The following EPX variants were observed in gnomAD, a reference collection of about 807,000 sequenced individuals.
EPX encodes the protein eosinophil peroxidase.
A neutral mutation model predicts 73.0 loss-of-function variants in EPX; 60 were observed. The ratio of observed to expected loss-of-function variants is 0.82; its 90% CI spans 0.67 to 1.02. The LOEUF (loss-of-function observed/expected upper bound fraction) is 1.02, where lower values mean the gene tolerates loss of function less well. Among genes scored for constraint, EPX ranks in the 50% least tolerant of loss-of-function variants. The pLI, the probability that EPX is intolerant of heterozygous loss-of-function variation, is 0.00. For synonymous variants in EPX, 347 were observed against 389.2 expected (o/e 0.89, Z 1.28); for missense variants, 950 against 973.9 (o/e 0.98, Z 0.33).
At chr17:58,201,290 T>G (rs1268576822) in intron 10 of EPX, among the ~76,000 whole-genome samples, 1 of 152,214 alleles carries the variant, frequency 6.6e-6, no homozygotes, top group Non-Finnish European at 1.5e-5. Context: ...AACCTGAGCT[T>G]CTTTCCTTTC....
In EPX at chr17:58,195,168, A is replaced by C. The variant is rs758630472; in HGVS notation, c.799A>C (p.Lys267Gln). 2 of 1,612,660 alleles carry C rather than the reference A, an allele frequency of 1.2e-6. No homozygotes were observed. The highest frequency in any genetic ancestry group is 1.7e-6 in the Non-Finnish European group (2 of 1,179,104). Residue 267 changes from lysine (K) to glutamine (Q), a missense_variant and splice_region_variant, in exon 6 of 13, where the codon AAG becomes CAG. By Grantham distance (53) the Lys-to-Gln change is moderately conservative (BLOSUM62 1). Coordinates refer to ENST00000225371, the MANE Select transcript of EPX (RefSeq NM_000502.6). ...CCAGCTGCCCCCCTGCTTTCCCATC[A>C]AGGTACCTACCCTCAGCCAATCTCC... ...CAQLPPCFPI[K>Q]IPPNDPRIKN...
chr17:58,197,108 G>C lies in EPX; in HGVS notation c.971G>C (p.Arg324Pro). 1 of 1,614,186 alleles carries C rather than the reference G, an allele frequency of 6.2e-7. No homozygotes were observed. The change falls in exon 7 of 13, where the codon CGG (arginine) becomes CCG (proline). Residue 324 changes from arginine (R) to proline (P), a missense_variant. Physicochemically the swap from Arg to Pro is moderately radical, Grantham distance 103. Coordinates refer to ENST00000225371, the MANE Select transcript of EPX (RefSeq NM_000502.6). ...GGCAGTGAGGTCTCCCTCTCGCTGC[G>C]GCTCCGCAACCGGACCAACTACCTG... ...VYGSEVSLSLRLRNRTNYLGL... is the reference protein window; with the variant it reads ...VYGSEVSLSLPLRNRTNYLGL...
chr17:58,196,017 T>TTTCC (rs568090213), intron 6 of EPX, among the ~76,000 whole-genome samples: 9,118 of 142,536 alleles, frequency 0.064, 552 homozygotes, highest in African/African-American at 0.16. Flanking sequence ...CCTTCCTTCA[T>TTTCC]TTCCTTCCTT....
chr17:58,203,250 G>A lies in EPX; in HGVS notation c.1878G>A (p.Gly626=). ...CCATCGCTGAGCCTCTTTTGCCGGG[G>A]GCTCGAGTGGGGCCTCTTCTGGCTT... ...IGAIAEPLLP[G]ARVGPLLACL... The change falls in exon 11 of 13, where the codon GGG becomes GGA. Residue 626 remains glycine, a synonymous_variant. Coordinates refer to ENST00000225371, the MANE Select transcript of EPX (RefSeq NM_000502.6). The A allele has an allele frequency of 6.2e-7, 1 of 1,614,218 alleles. No individual in the cohort carries two copies. The highest frequency in any genetic ancestry group is 8.5e-7 in the Non-Finnish European group (1 of 1,180,048).
chr17:58,194,095 G>A lies in EPX; in HGVS notation c.594+3G>A, dbSNP rs1968222237. 1 of 1,613,162 alleles carries A rather than the reference G, an allele frequency of 6.2e-7. No homozygotes were observed. Among genetic ancestry groups the A allele is most frequent in the Non-Finnish European group, 8.5e-7 (1 of 1,179,998 alleles). On this transcript the variant is annotated splice_donor_region_variant and intron_variant, in intron 5 of 12. Transcript: ENST00000225371. ...GCAATGGCTTCCTTCTCCCTCTTGT[G>A]AGTTGGGGCTGAGGGTTTGGGAGGT...
In EPX at chr17:58,203,733, C is replaced by G. The variant is rs545528924; in HGVS notation, c.1946+415C>G. Among the ~76,000 whole-genome samples, 26 of 151,680 alleles carry G rather than the reference C, an allele frequency of 1.7e-4. No individual in the cohort carries two copies. The South Asian group carries it at 4.8e-3, about 28-fold the overall frequency. On this transcript the variant is annotated intron_variant, in intron 11 of 12. Transcript: ENST00000225371. Reference sequence around the variant, plus strand: ...GGATCACGAGGTCAGGAGATCGAGACCATCCCGGCTAAAACGGTGAAACCC... The same window carrying G: ...GGATCACGAGGTCAGGAGATCGAGAGCATCCCGGCTAAAACGGTGAAACCC...
At position 58,199,805 on chromosome 17, in the gene EPX, T is replaced by A. The variant is rs753881181; in HGVS notation, c.1537+11T>A. ...GGATCGTGTATGAAGGTGACCAGGT[T>A]TTCCAGGGGGCAAATGGGGGTGAGG... On this transcript the variant is annotated intron_variant, in intron 9 of 12. Transcript: ENST00000225371. 1 of 1,589,346 alleles carries A rather than the reference T, an allele frequency of 6.3e-7. No homozygotes were observed. Among genetic ancestry groups the A allele is most frequent in the African/African-American group, 1.4e-5 (1 of 71,404 alleles).
Position 58,193,782 on chromosome 17 carries a change from G to T in EPX, c.415G>T (p.Glu139Ter), listed in dbSNP as rs369339605. The T allele has an allele frequency of 2.5e-6, 4 of 1,613,096 alleles. No homozygotes were observed. The South Asian group carries it at 3.3e-5, about 13-fold the overall frequency. ...ASGCALRDQA[E>*]RCSDKYRTIT... is the part of the protein sequence containing the mutation. ...TGGCTGTGCTCTCCGGGACCAGGCC[G>T]AGCGCTGCAGCGACAAGTACCGCAC... Residue 139 changes from glutamate (E) to a stop codon, truncating the protein, a stop_gained, in exon 4 of 13, where the codon GAG becomes TAG. Transcript: ENST00000225371. LOFTEE classifies it high-confidence loss of function.
chr17:58,198,378 C>T (rs1374601055), intron 7 of EPX, among the ~76,000 whole-genome samples: 1 of 152,190 alleles, frequency 6.6e-6, no homozygotes, highest in Non-Finnish European at 1.5e-5. Context: ...GCCCCAACCC[C>T]TCTTTTGAAG....
Position 58,193,400 on chromosome 17 carries a change from C to T in EPX, c.200C>T (p.Ala67Val). 6.2e-7 allele frequency: 1 copy of T among 1,614,234 alleles called. No homozygotes were observed. The highest frequency in any genetic ancestry group is 8.5e-7 in the Non-Finnish European group (1 of 1,180,032). Reference sequence around the variant, plus strand: ...AAGCAGCGGCTTCGCAGCGGTTCAGCCAGCCCCATGGACCTCCTGTCCTAC... The same window carrying T: ...AAGCAGCGGCTTCGCAGCGGTTCAGTCAGCCCCATGGACCTCCTGTCCTAC... ...SIKQRLRSGS[A>V]SPMDLLSYFK... is the part of the protein sequence containing the mutation. Residue 67 changes from alanine (A) to valine (V), a missense_variant, in exon 3 of 13, where the codon GCC becomes GTC. By Grantham distance (64) the Ala-to-Val change is moderately conservative (BLOSUM62 0). Coordinates refer to ENST00000225371, the MANE Select transcript of EPX (RefSeq NM_000502.6).
rs750085712 is a variant in EPX, at chr17:58,199,035, T to C, written c.1121-5T>C. 11 of 1,613,364 alleles carry C rather than the reference T, an allele frequency of 6.8e-6. No homozygotes were observed. The South Asian group carries it at 1.2e-4, about 18-fold the overall frequency. On this transcript the variant is annotated splice_polypyrimidine_tract_variant and splice_region_variant and intron_variant, in intron 7 of 12. Transcript: ENST00000225371. The stretch of plus-strand genomic sequence containing the variant: ...TGCAGTAAATCTGAGCTTGGGGTTT[T>C]CAAGGTGACACCCGATCAACGGAAA...
chr17:58,199,867 A>G, intron 9 of EPX, 73 bp downstream of exon 9: 5 of 1,518,782 alleles, frequency 3.3e-6, no homozygotes, highest in Non-Finnish European at 4.5e-6. Flanking sequence ...GGCCAAGCTT[A>G]CTGCCAGGAA....
rs1318712280 is a variant in EPX, at chr17:58,200,174, A to G, written c.1538-51A>G. 6 of 1,583,688 alleles carry G rather than the reference A, an allele frequency of 3.8e-6. No homozygotes were observed. In the East Asian group the frequency reaches 8.9e-5, roughly 24 times the overall value. On this transcript the variant is annotated intron_variant, in intron 9 of 12. Coordinates refer to ENST00000225371, the MANE Select transcript of EPX (RefSeq NM_000502.6). ...CTTGGCATCATGTGATAACCCAAGT[A>G]GCTTCCCAGAGGCTGGTCCAATCTG...
At chr17:58,194,239 A>G in intron 5 of EPX, 147 bp downstream of exon 5, 4 of 816,326 alleles carry the variant, frequency 4.9e-6, no homozygotes, top group Non-Finnish European at 2.0e-6. Context: ...CAGCTTTCTG[A>G]GGCTTAGTTT....
chr17:58,195,989 T>C (rs1229788016), intron 6 of EPX, among the ~76,000 whole-genome samples: 4 of 150,960 alleles, frequency 2.6e-5, no homozygotes, highest in Admixed American at 2.6e-4. Context: ...TTCTTTCCTT[T>C]CCTTCCTTCC....
At position 58,193,021 on chromosome 17, in the gene EPX, C is replaced by A. The variant is rs1402184968; in HGVS notation, c.77-17C>A. On this transcript the variant is annotated splice_polypyrimidine_tract_variant and intron_variant, in intron 1 of 12. Transcript: ENST00000225371. ...CTTGTGGCTTGCTGAACCCTGAGTCCCCATCTCTTTGAACAGCCTCCCCTG... is the reference window on the plus strand; with the variant it reads ...CTTGTGGCTTGCTGAACCCTGAGTCACCATCTCTTTGAACAGCCTCCCCTG... The A allele has an allele frequency of 6.2e-7, 1 of 1,602,650 alleles. No homozygotes were observed. The highest frequency in any genetic ancestry group is 8.5e-7 in the Non-Finnish European group (1 of 1,169,662).
rs148153010 is a variant in EPX, at chr17:58,193,769, C to T, written c.402C>T (p.Leu134=). The T allele has an allele frequency of 1.3e-3, 2,093 of 1,612,862 alleles. 1 individual carries two copies. The highest frequency in any genetic ancestry group is 1.7e-3 in the Non-Finnish European group (1,974 of 1,179,954). The change falls in exon 4 of 13, where the codon CTC becomes CTT. Residue 134 remains leucine, a synonymous_variant. Coordinates refer to ENST00000225371, the MANE Select transcript of EPX (RefSeq NM_000502.6). ...RLLSQASGCA[L]RDQAERCSDK... ...TGTCCCAGGCCAGTGGCTGTGCTCT[C>T]CGGGACCAGGCCGAGCGCTGCAGCG...
intron 12 of EPX, 110 bp from the exon 13 acceptor site, chr17:58,204,626 G>T (rs1968404330): frequency 1.7e-6 from 1 of 592,018 alleles, no homozygotes; most frequent in Admixed American, 3.0e-5. Flanking sequence ...ACTTTGGGGG[G>T]AAATTAGGAG....
At position 58,195,055 on chromosome 17, in the gene EPX, A is replaced by G. The variant is rs764714152; in HGVS notation, c.686A>G (p.Gln229Arg). ...GRALMFMQWG[Q>R]FIDHDLDFSP... Reference sequence around the variant, plus strand: ...GCCCTCATGTTCATGCAGTGGGGCCAGTTCATTGACCATGACCTGGACTTC... The same window carrying G: ...GCCCTCATGTTCATGCAGTGGGGCCGGTTCATTGACCATGACCTGGACTTC... Residue 229 changes from glutamine (Q) to arginine (R), a missense_variant, in exon 6 of 13, where the codon CAG becomes CGG. Physicochemically the swap from Gln to Arg is conservative, Grantham distance 43. Coordinates refer to ENST00000225371, the MANE Select transcript of EPX (RefSeq NM_000502.6). 6 of 1,613,902 alleles carry G rather than the reference A, an allele frequency of 3.7e-6. No individual in the cohort carries two copies. The Admixed American group carries it at 1.0e-4, about 27-fold the overall frequency.
Sources: allele counts gnomAD v4.1 joint callset (sites outside exome capture counted in the v4.1 genomes callset), GRCh38; gene constraint gnomAD v4.1.1; transcripts MANE v1.5; gene names NCBI Gene and HGNC (gene_info 2026-07-23, HGNC 2026-07-21).